Variants in MAP3K14 observed in about 807,000 individuals in gnomAD.
The protein encoded by MAP3K14 is NF-kappa-beta-inducing kinase.
A neutral mutation model predicts 99.2 loss-of-function variants in MAP3K14; 16 were observed. That is an observed-to-expected ratio of 0.16 (90% confidence interval 0.11 to 0.24). The LOEUF (loss-of-function observed/expected upper bound fraction) is 0.24. Among genes scored for constraint, MAP3K14 ranks in the 10% least tolerant of loss-of-function variants. The probability of loss-of-function intolerance (pLI) is 1.00; values close to 1 mark genes in which losing one functional copy is unlikely to be tolerated. For missense variants in MAP3K14, 784 were observed against 1,208.7 expected (o/e 0.65, Z 5.21); for synonymous variants, 462 against 492.4 (o/e 0.94, Z 0.82).
Position 45,273,509 on chromosome 17 carries a change from G to A in MAP3K14, c.1651C>T (p.Leu551Phe). Residue 551 changes from leucine (L) to phenylalanine (F), a missense_variant, in exon 9 of 16, where the codon CTC becomes TTC. Physicochemically the swap from Leu to Phe is conservative, Grantham distance 22. Transcript: ENST00000344686. ...LQPDGLGKSL[L>F]TGDYIPGTET... ...AGTTGGTGGGGGGCCTTACCTGTGA[G>A]CAAGGACTTTCCCAGGCCATCAGGT... is the stretch of plus-strand genomic sequence containing the variant. 6.2e-7 allele frequency: 1 copy of A among 1,610,346 alleles called. No individual in the cohort carries two copies. The highest frequency in any genetic ancestry group is 8.5e-7 in the Non-Finnish European group (1 of 1,177,588).
Position 45,267,688 on chromosome 17 carries a change from A to G in MAP3K14, c.2044T>C (p.Tyr682His), listed in dbSNP as rs2044104329. The G allele has an allele frequency of 6.2e-7, 1 of 1,613,764 alleles. No homozygotes were observed. The highest frequency in any genetic ancestry group is 8.5e-7 in the Non-Finnish European group (1 of 1,179,866). Residue 682 changes from tyrosine to histidine, a missense_variant, in exon 12 of 16, where the codon TAC (tyrosine) becomes CAC (histidine). Transcript: ENST00000344686. This position sits in a 1 kb window ranked among gnomAD's most constrained non-coding sequence, Gnocchi z 5.1. The part of the protein sequence containing the change: ...PRHPPPNQAN[Y>H]HQTLHAQPRE... ...GGCTGGGCATGGAGGGTCTGGTGGT[A>G]ATTGGCTTGATTTGGCGGTGGATGT... is the stretch of plus-strand genomic sequence containing the variant.
At chr17:45,289,669 G>A (rs1451515688) in intron 2 of MAP3K14, among the ~76,000 whole-genome samples, 1 of 152,234 alleles carries the variant, frequency 6.6e-6, no homozygotes, top group Non-Finnish European at 1.5e-5. Context: ...ATTTATATAT[G>A]TGTGTACATA....
At chr17:45,283,942 G>A (rs181627230) in intron 6 of MAP3K14, among the ~76,000 whole-genome samples, 2 of 152,236 alleles carry the variant, frequency 1.3e-5, no homozygotes, top group East Asian at 3.9e-4. Context: ...GTGGGGGAAA[G>A]GTTGGTGACA....
At chr17:45,296,934 G>A (rs2044350318) in intron 1 of MAP3K14, among the ~76,000 whole-genome samples, 1 of 152,172 alleles carries the variant, frequency 6.6e-6, no homozygotes, top group Admixed American at 6.5e-5. Flanking sequence ...CAAGTGCCAG[G>A]GAATGTAATA....
Position 45,290,503 on chromosome 17 carries a change from G to A in MAP3K14, c.243C>T (p.Ile81=), listed in dbSNP as rs752639003. ...SEAGPAAISI[I]AQAECENSQE... The stretch of plus-strand genomic sequence containing the variant: ...CTAGGCCCCTACACTCAGCCTGGGC[G>A]ATGATAGAGATGGCAGCTGGCCCTG... The change falls in exon 2 of 16, where the codon ATC becomes ATT. Residue 81 remains isoleucine, a synonymous_variant. Coordinates refer to ENST00000344686, the MANE Select transcript of MAP3K14 (RefSeq NM_003954.5). The A allele has an allele frequency of 5.0e-6, 8 of 1,613,852 alleles. No homozygotes were observed. Among genetic ancestry groups the A allele is most frequent in the Non-Finnish European group, 5.9e-6 (7 of 1,179,886 alleles).
intron 15 of MAP3K14, 124 bp from the exon 16 acceptor site, chr17:45,264,924 C>A: frequency 9.3e-7 from 1 of 1,075,846 alleles, no homozygotes; most frequent in Non-Finnish European, 1.3e-6. Context: ...TGTCATTCCA[C>A]GGGACTCAGA....
chr17:45,298,983 G>A (rs1000867636), intron 1 of MAP3K14, among the ~76,000 whole-genome samples: 26 of 152,180 alleles, frequency 1.7e-4, no homozygotes, highest in South Asian at 4.1e-4. Flanking sequence ...AAAGGAGAGG[G>A]TGTTCTGGGT....
intron 1 of MAP3K14, among the ~76,000 whole-genome samples, chr17:45,292,850 T>G (rs1011681512): frequency 1.3e-5 from 2 of 152,190 alleles, no homozygotes; most frequent in African/African-American, 4.8e-5. Context: ...CATTTCTATT[T>G]GAAGAAGCTG....
intron 15 of MAP3K14, 66 bp downstream of exon 15, chr17:45,265,097 G>A: frequency 7.7e-7 from 1 of 1,305,042 alleles, no homozygotes; most frequent in Non-Finnish European, 1.1e-6. Flanking sequence ...CTTTCCTCCT[G>A]GAGGGTGGGG....
Position 45,290,546 on chromosome 17 carries a change from G to C in MAP3K14, c.200C>G (p.Ala67Gly), listed in dbSNP as rs569647218. ...TGGCCCTGCCTCGGAGCCTTCCTTGGCTGTGCCCTTGGTAATCACGTCATT... is the reference window on the plus strand; with the variant it reads ...TGGCCCTGCCTCGGAGCCTTCCTTGCCTGTGCCCTTGGTAATCACGTCATT... ...ILNDVITKGTAKEGSEAGPAA... is the reference protein window; with the variant it reads ...ILNDVITKGTGKEGSEAGPAA... Residue 67 changes from alanine to glycine, a missense_variant, in exon 2 of 16, where the codon GCC becomes GGC. Physicochemically the swap from Ala to Gly is moderately conservative, Grantham distance 60. Transcript: ENST00000344686. The C allele has an allele frequency of 1.2e-6, 2 of 1,613,852 alleles. No homozygotes were observed. Among genetic ancestry groups the C allele is most frequent in the African/African-American group, 1.3e-5 (1 of 75,008 alleles).
At chr17:45,314,036 C>G (rs1346772242) in intron 1 of MAP3K14, among the ~76,000 whole-genome samples, 1 of 152,126 alleles carries the variant, frequency 6.6e-6, no homozygotes, top group Non-Finnish European at 1.5e-5. Context: ...TATCAGGGAG[C>G]TGAGGGATTA....
rs1178966228 is a variant in MAP3K14, at chr17:45,266,589, C to A, written c.2526G>T (p.Trp842Cys). Reference sequence around the variant, plus strand: ...GCCGCCCCCGGGCCAGCACCATGTTCCAGCTGGAGCTTCGAGCCTCGGCCT... The same window carrying A: ...GCCGCCCCCGGGCCAGCACCATGTTACAGCTGGAGCTTCGAGCCTCGGCCT... The part of the protein sequence containing the change: ...SSQAEARSSS[W>C]NMVLARGRPT... The change falls in exon 14 of 16, where the codon TGG becomes TGT. Residue 842 changes from tryptophan to cysteine, a missense_variant. Trp to Cys is a radical substitution (Grantham distance 215, BLOSUM62 -2). Coordinates refer to ENST00000344686, the MANE Select transcript of MAP3K14 (RefSeq NM_003954.5). 2 of 1,613,634 alleles carry A rather than the reference C, an allele frequency of 1.2e-6. No homozygotes were observed. The highest frequency in any genetic ancestry group is 2.7e-5 in the African/African-American group (2 of 74,902).
chr17:45,292,016 G>A (rs1328713726), intron 1 of MAP3K14, among the ~76,000 whole-genome samples: 1 of 152,264 alleles, frequency 6.6e-6, no homozygotes, highest in African/African-American at 2.4e-5. Context: ...CTAGGTTGAA[G>A]CATTCCTCCT....
intron 1 of MAP3K14, among the ~76,000 whole-genome samples, chr17:45,296,018 A>G (rs556152746): frequency 6.6e-6 from 1 of 152,378 alleles, no homozygotes; most frequent in South Asian, 2.1e-4. Context: ...AATGTCTACA[A>G]GGGGCCAAGG....
In MAP3K14 at chr17:45,313,245, G is replaced by A. The variant is rs115723054; in HGVS notation, c.-21+3715C>T. 7.1e-3 allele frequency among the ~76,000 whole-genome samples: 1,088 copies of A among 152,214 alleles called. 10 individuals carry two copies. Among genetic ancestry groups the A allele is most frequent in the African/African-American group, 0.024 (995 of 41,520 alleles). On this transcript the variant is annotated intron_variant, in intron 1 of 15. Coordinates refer to ENST00000344686, the MANE Select transcript of MAP3K14 (RefSeq NM_003954.5). ...TACAGAAAACAGGTTTAGTCACAAT[G>A]CAGTAATTGGCAACTACTACTGCTA...
In MAP3K14 at chr17:45,267,670, C is replaced by T; in HGVS notation, c.2062G>A (p.Ala688Thr). 1.2e-6 allele frequency: 2 copies of T among 1,613,932 alleles called. No homozygotes were observed. The highest frequency in any genetic ancestry group is 4.5e-5 in the East Asian group (2 of 44,868). Reference protein sequence around the residue: ...NQANYHQTLHAQPRELSPRAP... With the variant: ...NQANYHQTLHTQPRELSPRAP... ...CTTGGCGAAAGCTCTCTCGGCTGGG[C>T]ATGGAGGGTCTGGTGGTAATTGGCT... The change falls in exon 12 of 16, where the codon GCC becomes ACC. Residue 688 changes from alanine to threonine, a missense_variant. Ala to Thr is a moderately conservative substitution (Grantham distance 58). Transcript: ENST00000344686. This position sits in a 1 kb window ranked among gnomAD's most constrained non-coding sequence, Gnocchi z 5.1.
intron 1 of MAP3K14, among the ~76,000 whole-genome samples, chr17:45,294,247 AGAG>A (rs1489083595): frequency 1.3e-5 from 2 of 152,342 alleles, no homozygotes; most frequent in East Asian, 3.9e-4. Context: ...AGAAATCAGA[AGAG>A]GAAAGGAAAG....
intron 1 of MAP3K14, among the ~76,000 whole-genome samples, chr17:45,304,779 A>C (rs1776071452): frequency 6.6e-6 from 1 of 152,220 alleles, no homozygotes; most frequent in South Asian, 2.1e-4. Context: ...GCTACATGAC[A>C]GGATGGCCTT....
rs114033980 is a variant in MAP3K14, at chr17:45,277,795, G to A, written c.1291-3202C>T. Among the ~76,000 whole-genome samples, 365 of 152,264 alleles carry A rather than the reference G, an allele frequency of 2.4e-3. 5 individuals carry two copies. The highest frequency in any genetic ancestry group is 8.6e-3 in the African/African-American group (358 of 41,558). On this transcript the variant is annotated intron_variant, in intron 6 of 15. Transcript: ENST00000344686. The stretch of plus-strand genomic sequence containing the variant: ...CAGTTCAGCTTCAAAGTACGATCAC[G>A]CACGTGACATTCCCTTTGATAATGT...
Sources: allele counts gnomAD v4.1 joint callset (sites outside exome capture counted in the v4.1 genomes callset), GRCh38; gene constraint gnomAD v4.1.1; non-coding constraint Gnocchi (gnomAD v3.1); transcripts MANE v1.5; gene names NCBI Gene and HGNC (gene_info 2026-07-23, HGNC 2026-07-21).